SLC41A2: variants seen among roughly 807,000 people sequenced by gnomAD.
SLC41A2 encodes the protein solute carrier family 41 member 2, also known as SLC41A1-like 1.
SLC41A2 carries 32 observed loss-of-function variants against 58.3 expected under a neutral mutation model. The ratio of observed to expected loss-of-function variants is 0.55; its 90% CI spans 0.41 to 0.74. The LOEUF is 0.74. SLC41A2 is among the 30% of genes least tolerant of loss of function. The pLI is 0.00. For missense variants in SLC41A2, 514 were observed against 680.6 expected (o/e 0.76, Z 2.72); for synonymous variants, 190 against 235.0 (o/e 0.81, Z 1.75).
intron 2 of SLC41A2, among the ~76,000 whole-genome samples, chr12:104,926,072 A>G (rs1476666428): frequency 6.6e-6 from 1 of 152,234 alleles, no homozygotes; most frequent in African/African-American, 2.4e-5. Flanking sequence ...TTTAGATAAA[A>G]ATGTTACCTC....
chr12:104,816,289 T>C (rs751396220), intron 10 of SLC41A2, among the ~76,000 whole-genome samples: 14 of 152,182 alleles, frequency 9.2e-5, no homozygotes, highest in Non-Finnish European at 1.8e-4. Context: ...AGCAGCATTA[T>C]AAACAAAATA....
At position 104,892,310 on chromosome 12, in the gene SLC41A2, ATAAAATAAAAT is replaced by A. The variant is rs779908382; in HGVS notation, c.735+2953_735+2963del. Among the ~76,000 whole-genome samples, 369 of 136,916 alleles carry A rather than the reference ATAAAATAAAAT, an allele frequency of 2.7e-3. 31 individuals carry two copies. Among genetic ancestry groups the A allele is most frequent in the African/African-American group, 0.011 (345 of 31,156 alleles). The allele number at this position is 136,916 out of a possible 152,430, so 89.8% of individuals were successfully genotyped here. ...GACCTCATCTCAAAAAAAAAATAAA[ATAAAATAAAAT>A]AAAATAAAATAAAATATTGATGCAA... is the stretch of plus-strand genomic sequence containing the variant. On this transcript the variant is annotated intron_variant, in intron 4 of 10. Transcript: ENST00000258538.
intron 8 of SLC41A2, among the ~76,000 whole-genome samples, chr12:104,860,857 G>A (rs2043188083): frequency 6.6e-6 from 1 of 152,112 alleles, no homozygotes; most frequent in South Asian, 2.1e-4. Context: ...TTGCAGTCAT[G>A]AGCCACTGTG....
At chr12:104,815,305 G>GA (rs1254142439) in intron 10 of SLC41A2, among the ~76,000 whole-genome samples, 4 of 152,284 alleles carry the variant, frequency 2.6e-5, no homozygotes, top group African/African-American at 9.6e-5. Flanking sequence ...AACACACCAA[G>GA]GGTAGACTGT....
At chr12:104,888,983 A>G in intron 5 of SLC41A2, 50 bp downstream of exon 5, 1 of 1,466,036 alleles carries the variant, frequency 6.8e-7, no homozygotes, top group Non-Finnish European at 9.0e-7. Flanking sequence ...TAAGAAATAA[A>G]CCATTTAAAT....
At chr12:104,856,681 C>T (rs988819795) in intron 8 of SLC41A2, among the ~76,000 whole-genome samples, 2 of 152,124 alleles carry the variant, frequency 1.3e-5, no homozygotes, top group South Asian at 2.1e-4. Context: ...GAATAGTATC[C>T]AGGGCACAGG....
At chr12:104,806,727 T>C (rs999559714) in intron 10 of SLC41A2, among the ~76,000 whole-genome samples, 15 of 152,138 alleles carry the variant, frequency 9.9e-5, no homozygotes, top group African/African-American at 3.6e-4. Flanking sequence ...CCAGGACCTG[T>C]TGTTTCCTGA....
At chr12:104,862,537 A>T (rs116736800) in intron 7 of SLC41A2, among the ~76,000 whole-genome samples, 1 of 152,180 alleles carries the variant, frequency 6.6e-6, no homozygotes. Context: ...AAAAGTTACT[A>T]TAGAAAAAAT....
At chr12:104,865,858 A>G (rs11112215) in intron 7 of SLC41A2, among the ~76,000 whole-genome samples, 6,838 of 152,236 alleles carry the variant, frequency 0.045, 230 homozygotes, top group Middle Eastern at 0.085. Flanking sequence ...TTGTGACTAT[A>G]TAATAATTTA....
intron 1 of SLC41A2, among the ~76,000 whole-genome samples, chr12:104,954,689 A>T (rs1023787304): frequency 2.0e-5 from 3 of 152,240 alleles, no homozygotes; most frequent in Non-Finnish European, 4.4e-5. Context: ...TCATTCTTCT[A>T]AATAAAGGCA....
intron 1 of SLC41A2, among the ~76,000 whole-genome samples, chr12:104,955,522 G>A (rs1159893860): frequency 6.6e-6 from 1 of 152,072 alleles, no homozygotes; most frequent in Non-Finnish European, 1.5e-5. Flanking sequence ...ACTGCTCCTT[G>A]GCTATAAATT....
chr12:104,897,144 CTTTTT>C (rs71440558), intron 3 of SLC41A2, among the ~76,000 whole-genome samples: 66 of 120,292 alleles, frequency 5.5e-4, no homozygotes, highest in African/African-American at 1.9e-3. Context: ...TTTCTTTTTT[CTTTTT>C]TTTTTTTTTT....
chr12:104,869,078 C>T (rs991028894), intron 6 of SLC41A2, among the ~76,000 whole-genome samples: 6 of 152,148 alleles, frequency 3.9e-5, no homozygotes, highest in Admixed American at 2.6e-4. Flanking sequence ...TGGCTCAGTG[C>T]AGCCTCAAAT....
intron 6 of SLC41A2, among the ~76,000 whole-genome samples, chr12:104,872,086 T>C (rs969881928): frequency 4.0e-5 from 6 of 150,896 alleles, no homozygotes; most frequent in Non-Finnish European, 7.4e-5. Context: ...GAGGAATGAA[T>C]TGAGGGAGGG....
At chr12:104,872,123 G>A (rs2135551829) in intron 6 of SLC41A2, among the ~76,000 whole-genome samples, 1 of 152,108 alleles carries the variant, frequency 6.6e-6, no homozygotes, top group East Asian at 1.9e-4. Flanking sequence ...AAAAACAGAT[G>A]GTATATGAGA....
chr12:104,958,512 C>T (rs1487757733), upstream of SLC41A2: 1 of 152,270 alleles, frequency 6.6e-6, no homozygotes, highest in Non-Finnish European at 1.5e-5. Flanking sequence ...GGCAAGGGGG[C>T]AGTTTTCTGG....
intron 1 of SLC41A2, among the ~76,000 whole-genome samples, chr12:104,954,895 C>T (rs1361408178): frequency 6.6e-6 from 1 of 151,760 alleles, no homozygotes; most frequent in African/African-American, 2.4e-5. Flanking sequence ...CTTTTCTTGA[C>T]GAAATTTTAC....
chr12:104,830,496 A>G (rs1299686916), intron 10 of SLC41A2, among the ~76,000 whole-genome samples: 1 of 152,062 alleles, frequency 6.6e-6, no homozygotes, highest in Non-Finnish European at 1.5e-5. Flanking sequence ...AATATTTTTG[A>G]TCCAAGGTTA....
At position 104,907,008 on chromosome 12, in the gene SLC41A2, C is replaced by T. The variant is rs116326839; in HGVS notation, c.663+2647G>A. On this transcript the variant is annotated intron_variant, in intron 3 of 10. Coordinates refer to ENST00000258538, the MANE Select transcript of SLC41A2 (RefSeq NM_001352171.3). ...TATCCTGTTTGATTTTCTTTACTTC[C>T]CTTACCGATATCCAAATTTATGCAA... Among the ~76,000 whole-genome samples the T allele has an allele frequency of 5.3e-3, 809 of 152,226 alleles. 8 individuals carry two copies. Among genetic ancestry groups the T allele is most frequent in the African/African-American group, 0.018 (768 of 41,526 alleles).
Sources: allele counts gnomAD v4.1 joint callset (sites outside exome capture counted in the v4.1 genomes callset), GRCh38; gene constraint gnomAD v4.1.1; transcripts MANE v1.5; gene names NCBI Gene and HGNC (gene_info 2026-07-23, HGNC 2026-07-21).